Variants in NREP observed in about 807,000 individuals in gnomAD.
NREP encodes the protein neuronal regeneration related protein, also known as neuronal regeneration-related protein.
A neutral mutation model predicts 8.6 loss-of-function variants in NREP; 5 were observed. That is an observed-to-expected ratio of 0.58 (90% confidence interval 0.30 to 1.22). NREP has a LOEUF of 1.22. Among genes scored for constraint, NREP ranks in the 50% most tolerant of loss-of-function variants. NREP has a pLI of 0.07. For missense variants in NREP, 86 were observed against 82.5 expected (o/e 1.04, Z -0.17); for synonymous variants, 27 against 28.0 (o/e 0.96, Z 0.11).
At chr5:111,976,119 T>G (rs910092486) in intron 1 of NREP, among the ~76,000 whole-genome samples, 1 of 152,178 alleles carries the variant, frequency 6.6e-6, no homozygotes, top group Admixed American at 6.5e-5. Context: ...TAACATTTTA[T>G]CAGTTTCTTA....
At chr5:111,803,853 C>T (rs529222852) in intron 2 of NREP, among the ~76,000 whole-genome samples, 1 of 152,270 alleles carries the variant, frequency 6.6e-6, no homozygotes, top group South Asian at 2.1e-4. Flanking sequence ...AAGATATGTA[C>T]AAGTCCTCCT....
intron 2 of NREP, among the ~76,000 whole-genome samples, chr5:111,797,732 A>G (rs1432006341): frequency 2.6e-5 from 4 of 152,200 alleles, no homozygotes; most frequent in African/African-American, 9.7e-5. Flanking sequence ...AGCGGCCTCA[A>G]TGAGTCAGAA....
intron 2 of NREP, among the ~76,000 whole-genome samples, chr5:111,817,090 A>G (rs1188442836): frequency 6.6e-6 from 1 of 152,152 alleles, no homozygotes. Context: ...CTAAGTGCTT[A>G]TCTCTAATTA....
At chr5:111,733,339 G>A (rs552247176) in intron 3 of NREP, 1 of 152,086 alleles carries the variant, frequency 6.6e-6, no homozygotes, top group Non-Finnish European at 1.5e-5. Flanking sequence ...CCACAGGGAG[G>A]TGTGCTACTG....
intron 2 of NREP, among the ~76,000 whole-genome samples, chr5:111,832,844 G>A (rs1752806335): frequency 2.0e-5 from 3 of 152,116 alleles, no homozygotes; most frequent in Non-Finnish European, 4.4e-5. Context: ...CCACCCAGGT[G>A]GTACCTTGAA....
intron 2 of NREP, among the ~76,000 whole-genome samples, chr5:111,925,129 T>C (rs1755349272): frequency 1.3e-5 from 2 of 152,112 alleles, no homozygotes; most frequent in South Asian, 4.1e-4. Flanking sequence ...GAAGGAGGTC[T>C]ACCCTCCTTC....
chr5:111,756,190 T>C, intron 1 of NREP: 5 of 1,024,160 alleles, frequency 4.9e-6, no homozygotes, highest in Non-Finnish European at 5.9e-6. Context: ...TGGCAGTATA[T>C]TTGCAATCAA....
At chr5:111,756,150 C>A in intron 1 of NREP, 2 of 1,063,456 alleles carry the variant, frequency 1.9e-6, no homozygotes, top group Non-Finnish European at 2.3e-6. Flanking sequence ...AGATTGTTTT[C>A]TGGCTGCTCT....
At chr5:111,877,100 C>G (rs1374290764) in intron 2 of NREP, among the ~76,000 whole-genome samples, 1 of 152,102 alleles carries the variant, frequency 6.6e-6, no homozygotes, top group Non-Finnish European at 1.5e-5. Flanking sequence ...TTCTGGTTAC[C>G]GGTATAACAA....
intron 2 of NREP, among the ~76,000 whole-genome samples, chr5:111,898,307 T>TA (rs1014943158): frequency 3.9e-5 from 6 of 151,948 alleles, no homozygotes; most frequent in African/African-American, 9.7e-5. Context: ...TCAGAGGTGG[T>TA]AAAAAAATTA....
intron 2 of NREP, among the ~76,000 whole-genome samples, chr5:111,962,908 A>G (rs1716586649): frequency 1.3e-5 from 2 of 152,176 alleles, no homozygotes; most frequent in Admixed American, 1.3e-4. Flanking sequence ...AGCCACTTCC[A>G]TCACTAAATA....
chr5:111,741,199 G>A (rs141127163), intron 2 of NREP, among the ~76,000 whole-genome samples: 1 of 152,168 alleles, frequency 6.6e-6, no homozygotes, highest in Non-Finnish European at 1.5e-5. Context: ...GACTAGGGCA[G>A]CACGGGTCCA....
chr5:111,879,106 T>C (rs1287374902), intron 2 of NREP, among the ~76,000 whole-genome samples: 1 of 152,196 alleles, frequency 6.6e-6, no homozygotes, highest in Non-Finnish European at 1.5e-5. Context: ...AAGCTGGTTG[T>C]TTAAAGAGCC....
intron 2 of NREP, among the ~76,000 whole-genome samples, chr5:111,935,886 A>C (rs1241988764): frequency 2.0e-5 from 3 of 151,996 alleles, no homozygotes; most frequent in Admixed American, 2.0e-4. Flanking sequence ...AACAATAGAA[A>C]TTTATTCTCC....
chr5:111,957,986 A>T (rs1756372751), intron 2 of NREP, among the ~76,000 whole-genome samples: 1 of 151,968 alleles, frequency 6.6e-6, no homozygotes, highest in Admixed American at 6.6e-5. Flanking sequence ...GAAAGAAAAA[A>T]GCCCAGCAAA....
chr5:111,835,979 A>G (rs572497006), intron 2 of NREP, among the ~76,000 whole-genome samples: 1 of 152,264 alleles, frequency 6.6e-6, no homozygotes, highest in African/African-American at 2.4e-5. Context: ...AGGAAAGCCA[A>G]GAATTCAGGT....
intron 2 of NREP, among the ~76,000 whole-genome samples, chr5:111,913,936 C>T (rs181313049): frequency 1.3e-5 from 2 of 152,158 alleles, no homozygotes; most frequent in East Asian, 3.9e-4. Flanking sequence ...TAAAAGCATG[C>T]CAAGCTTGAT....
At chr5:111,965,629 T>A (rs1481990059) in intron 2 of NREP, among the ~76,000 whole-genome samples, 2 of 152,146 alleles carry the variant, frequency 1.3e-5, no homozygotes, top group Non-Finnish European at 2.9e-5. Context: ...TTGAAACATA[T>A]CCAGCTATAA....
At chr5:111,808,211 T>A (rs1327337417) in intron 2 of NREP, among the ~76,000 whole-genome samples, 1 of 152,248 alleles carries the variant, frequency 6.6e-6, no homozygotes, top group African/African-American at 2.4e-5. Flanking sequence ...TGGGCTACCA[T>A]CTCAGGCCCT....
Sources: gnomAD v4.1 joint callset for allele counts (sites outside exome capture counted in the v4.1 genomes callset) on GRCh38, gnomAD v4.1.1 for gene constraint, MANE v1.5 for transcripts, NCBI Gene and HGNC (gene_info 2026-07-23, HGNC 2026-07-21) for gene names.